Variants in SMYD3 observed in about 807,000 individuals in gnomAD.
SMYD3 encodes SET and MYND domain containing 3, also known as histone-lysine N-methyltransferase SMYD3.
A neutral mutation model predicts 57.7 loss-of-function variants in SMYD3; 36 were observed. The observed-to-expected ratio is 0.62, with a 90% CI of 0.48 to 0.82. The LOEUF is 0.82. Among genes scored for constraint, SMYD3 ranks in the 40% least tolerant of loss-of-function variants. The pLI, the probability that SMYD3 is intolerant of heterozygous loss-of-function variation, is 0.00. For synonymous variants in SMYD3, 211 were observed against 195.0 expected (o/e 1.08, Z -0.68); for missense variants, 515 against 538.8 (o/e 0.96, Z 0.44).
chr1:245,973,134 T>TA (rs756515429), intron 5 of SMYD3, among the ~76,000 whole-genome samples: 16 of 152,210 alleles, frequency 1.1e-4, no homozygotes, highest in Non-Finnish European at 2.2e-4. Context: ...AAAGGAAAGT[T>TA]AATGAAATGA....
chr1:246,326,544 C>T (rs550826810), intron 5 of SMYD3: 53 of 473,898 alleles, frequency 1.1e-4, no homozygotes, highest in Non-Finnish European at 1.6e-4. Context: ...GAGGCCGAGG[C>T]GGGTGGATCA....
At chr1:245,956,532 C>T (rs903853080) in intron 5 of SMYD3, among the ~76,000 whole-genome samples, 1 of 152,172 alleles carries the variant, frequency 6.6e-6, no homozygotes, top group Non-Finnish European at 1.5e-5. Flanking sequence ...AGGTTAATTC[C>T]ACCTGCTTAC....
At chr1:246,499,021 C>T (rs2068414778) in intron 1 of SMYD3, among the ~76,000 whole-genome samples, 1 of 151,778 alleles carries the variant, frequency 6.6e-6, no homozygotes, top group Non-Finnish European at 1.5e-5. Context: ...TTGTGAGCTC[C>T]TGGCCTCAAA....
intron 1 of SMYD3, among the ~76,000 whole-genome samples, chr1:246,393,615 G>C (rs1169401114): frequency 6.8e-6 from 1 of 146,382 alleles, no homozygotes; most frequent in African/African-American, 2.5e-5. Context: ...AAAGTAGGAG[G>C]ACTGTTTGAA....
intron 1 of SMYD3, among the ~76,000 whole-genome samples, chr1:246,492,467 C>T (rs2068287004): frequency 6.6e-6 from 1 of 152,120 alleles, no homozygotes; most frequent in South Asian, 2.1e-4. Flanking sequence ...CAAGAAAGTA[C>T]TGGGGCAAAA....
In SMYD3 at chr1:246,335,378, C is replaced by A. The variant is rs1392687888; in HGVS notation, c.325G>T (p.Val109Phe). The A allele has an allele frequency of 3.1e-6, 5 of 1,614,000 alleles. No individual in the cohort carries two copies. The South Asian group carries it at 4.4e-5, about 14-fold the overall frequency. The change falls in exon 3 of 12, where the codon GTC (valine) becomes TTC (phenylalanine). Residue 109 changes from valine (V) to phenylalanine (F), a missense_variant. Coordinates refer to ENST00000490107, the MANE Select transcript of SMYD3 (RefSeq NM_001167740.2). ...PDSVRLLGRV[V>F]FKLMDGAPSE... ...AGTTTTATACTCACAAGTTTGAAGA[C>A]AACTCTGCCAAGAAGTCGAACGGAG...
rs761150059 is a variant in SMYD3, at chr1:245,927,916, C to T, written c.702+15G>A. On this transcript the variant is annotated intron_variant, in intron 7 of 11. Coordinates refer to ENST00000490107, the MANE Select transcript of SMYD3 (RefSeq NM_001167740.2). ...TAGGAAAGAAGGCCAGGCTGGGAAG[C>T]ATGAGTTTCCTTACCTCCTCTCCCA... The T allele has an allele frequency of 8.1e-6, 13 of 1,601,434 alleles. No individual in the cohort carries two copies. The highest frequency in any genetic ancestry group is 1.1e-5 in the South Asian group (1 of 90,710).
chr1:246,449,971 T>A (rs2067607168), intron 1 of SMYD3, among the ~76,000 whole-genome samples: 1 of 152,090 alleles, frequency 6.6e-6, no homozygotes, highest in African/African-American at 2.4e-5. Context: ...TGACAGAAAA[T>A]GACCCAAACT....
At chr1:245,920,061 C>A (rs1234598592) in intron 7 of SMYD3, among the ~76,000 whole-genome samples, 1 of 151,586 alleles carries the variant, frequency 6.6e-6, no homozygotes, top group East Asian at 2.0e-4. Context: ...CGCCTGTAAT[C>A]CCAGCACTTT....
At chr1:246,224,796 GGTAA>G (rs371000426) in intron 5 of SMYD3, among the ~76,000 whole-genome samples, 67 of 151,972 alleles carry the variant, frequency 4.4e-4, no homozygotes, top group Middle Eastern at 3.4e-3. Context: ...TGGTGATGGG[GGTAA>G]GTGACAGAAA....
At chr1:246,442,527 TA>T (rs2067485896) in intron 1 of SMYD3, among the ~76,000 whole-genome samples, 1 of 151,686 alleles carries the variant, frequency 6.6e-6, no homozygotes, top group African/African-American at 2.4e-5. Context: ...CAGGCTGGGC[TA>T]TAAGAGCGAA....
At chr1:246,431,631 C>T (rs1413298225) in intron 1 of SMYD3, among the ~76,000 whole-genome samples, 2 of 152,162 alleles carry the variant, frequency 1.3e-5, no homozygotes, top group East Asian at 1.9e-4. Context: ...TCGGGGGAGG[C>T]TGAGGCAGCA....
chr1:246,363,000 C>G (rs1191162747), intron 1 of SMYD3, among the ~76,000 whole-genome samples: 4 of 151,764 alleles, frequency 2.6e-5, no homozygotes, highest in Middle Eastern at 3.4e-3. Flanking sequence ...CAGCCGCCAT[C>G]CCATCTAGGA....
At chr1:245,914,124 T>TTGTA in intron 8 of SMYD3, among the ~76,000 whole-genome samples, 1 of 152,274 alleles carries the variant, frequency 6.6e-6, no homozygotes, top group African/African-American at 2.4e-5. Context: ...GCCTCTACAA[T>TTGTA]GAGGCCACTG....
chr1:245,804,912 G>A (rs979606935), intron 10 of SMYD3, among the ~76,000 whole-genome samples: 2 of 152,174 alleles, frequency 1.3e-5, no homozygotes, highest in African/African-American at 4.8e-5. Context: ...GTGGTATTTT[G>A]TTGTGGCAGC....
intron 1 of SMYD3, among the ~76,000 whole-genome samples, chr1:246,489,219 G>A (rs1057287183): frequency 9.2e-5 from 14 of 152,094 alleles, no homozygotes; most frequent in East Asian, 5.8e-4. Flanking sequence ...GGTGGCGGGC[G>A]CCTGTAGTCC....
intron 5 of SMYD3, among the ~76,000 whole-genome samples, chr1:246,253,153 C>G (rs1180679740): frequency 1.3e-5 from 2 of 151,756 alleles, no homozygotes; most frequent in Admixed American, 6.6e-5. Context: ...CAAGGGGGTA[C>G]ATGCGCAGGT....
intron 1 of SMYD3, among the ~76,000 whole-genome samples, chr1:246,393,174 A>C (rs544564334): frequency 4.1e-4 from 63 of 152,304 alleles, no homozygotes; most frequent in Non-Finnish European, 7.9e-4. Context: ...GTAATGGCTA[A>C]ACAACTCTGA....
chr1:246,126,363 C>T (rs2066029), intron 5 of SMYD3, among the ~76,000 whole-genome samples: 31,781 of 152,152 alleles, frequency 0.21, 3,511 homozygotes, highest in East Asian at 0.38. Context: ...CCAGACTTGC[C>T]GGTAGGTGAG....
Sources: gnomAD v4.1 joint callset for allele counts (sites outside exome capture counted in the v4.1 genomes callset) on GRCh38, gnomAD v4.1.1 for gene constraint, MANE v1.5 for transcripts, NCBI Gene and HGNC (gene_info 2026-07-23, HGNC 2026-07-21) for gene names.